Variants in NOSIP observed in about 807,000 individuals in gnomAD.
NOSIP encodes the protein nitric oxide synthase interacting protein, also known as nitric oxide synthase-interacting protein.
In NOSIP, 25 loss-of-function variants were observed where a neutral mutation model predicts 36.4. The observed-to-expected ratio is 0.69, with a 90% CI of 0.50 to 0.96. The LOEUF (loss-of-function observed/expected upper bound fraction) is 0.96, where lower values mean the gene tolerates loss of function less well. NOSIP is among the 40% of genes least tolerant of loss of function. The pLI, the probability that NOSIP is intolerant of heterozygous loss-of-function variation, is 0.00. For missense variants in NOSIP, 370 were observed against 429.0 expected (o/e 0.86, Z 1.21); for synonymous variants, 187 against 179.2 (o/e 1.04, Z -0.35).
At chr19:49,567,439 G>C (rs1268568614) in intron 1 of NOSIP, among the ~76,000 whole-genome samples, 2 of 151,936 alleles carry the variant, frequency 1.3e-5, no homozygotes, top group Non-Finnish European at 2.9e-5. Context: ...TTTTTTGTTA[G>C]AATTTACTAG....
At chr19:49,561,183 G>A (rs556250350) in intron 1 of NOSIP, among the ~76,000 whole-genome samples, 1 of 152,250 alleles carries the variant, frequency 6.6e-6, no homozygotes, top group Non-Finnish European at 1.5e-5. Context: ...CTTAGCTAAG[G>A]CTTGACCCAA....
intron 4 of NOSIP, 137 bp downstream of exon 4, chr19:49,558,760 T>C: frequency 1.3e-6 from 1 of 752,768 alleles, no homozygotes; most frequent in Non-Finnish European, 2.3e-6. Context: ...GTGAGAAGGA[T>C]TTGGCCGGAA....
rs759871943 is a variant in NOSIP at position 49,557,133 on chromosome 19, G to C, written c.375C>G (p.Pro125=). Residue 125 remains proline, a synonymous_variant, in exon 5 of 9, where the codon CCC becomes CCG. Transcript: ENST00000596358. The part of the protein sequence containing the change: ...LEKESAIVSR[P]LNPFTAKALS... The stretch of plus-strand genomic sequence containing the variant: ...GGGCCTTGGCTGTGAAAGGGTTGAG[G>C]GGCCGGCTCACGATAGCCGACTCCT... 6 of 1,612,878 alleles carry C rather than the reference G, an allele frequency of 3.7e-6. No individual in the cohort carries two copies. The highest frequency in any genetic ancestry group is 5.1e-6 in the Non-Finnish European group (6 of 1,179,620).
chr19:49,573,439 A>T (rs1019225077), intron 1 of NOSIP, among the ~76,000 whole-genome samples: 1 of 152,062 alleles, frequency 6.6e-6, no homozygotes, highest in Non-Finnish European at 1.5e-5. Context: ...TTTCGGCTCC[A>T]GAGTAGGGGC....
chr19:49,573,165 G>A (rs1297596892), intron 1 of NOSIP, among the ~76,000 whole-genome samples: 1 of 152,122 alleles, frequency 6.6e-6, no homozygotes, highest in East Asian at 1.9e-4. Context: ...GAGTCCTACA[G>A]CTGTGTTTGA....
At chr19:49,557,408 T>A in intron 4 of NOSIP, 159 bp from the exon 5 acceptor site, 1 of 1,434,020 alleles carries the variant, frequency 7.0e-7, no homozygotes, top group Non-Finnish European at 9.1e-7. Context: ...GTGTGAACCT[T>A]ACTGCGTTGT....
Position 49,560,021 on chromosome 19 carries a change from G to T in NOSIP, c.89C>A (p.Thr30Asn). Reference sequence around the variant, plus strand: ...ATCCCGGCTCAGTCGAATGTTCTGGGTCCCATAGCCCGAGGCCGCTGGGGA... The same window carrying T: ...ATCCCGGCTCAGTCGAATGTTCTGGTTCCCATAGCCCGAGGCCGCTGGGGA... ...KKDTAASGYG[T>N]QNIRLSRDAV... Residue 30 changes from threonine (T) to asparagine (N), a missense_variant, in exon 3 of 9, where the codon ACC (threonine) becomes AAC (asparagine). Physicochemically the swap from Thr to Asn is moderately conservative, Grantham distance 65. Coordinates refer to ENST00000596358, the MANE Select transcript of NOSIP (RefSeq NM_001270960.2). The surrounding 1 kb of genome is among the most constrained non-coding windows in gnomAD (Gnocchi z 4.6). The T allele has an allele frequency of 6.2e-7, 1 of 1,613,652 alleles. No homozygotes were observed. The highest frequency in any genetic ancestry group is 8.5e-7 in the Non-Finnish European group (1 of 1,179,704).
chr19:49,571,067 C>T (rs1268789026), intron 1 of NOSIP, among the ~76,000 whole-genome samples: 2 of 149,868 alleles, frequency 1.3e-5, no homozygotes, highest in African/African-American at 4.9e-5. Flanking sequence ...ACCTCCACCT[C>T]CTGGGTTCAA....
At chr19:49,574,517 G>T (rs1034457586) in intron 1 of NOSIP, among the ~76,000 whole-genome samples, 1 of 152,102 alleles carries the variant, frequency 6.6e-6, no homozygotes, top group Admixed American at 6.6e-5. Context: ...TGCGGTTTTC[G>T]ATGGCTGCCA....
rs1172068612 is a variant in NOSIP, at chr19:49,571,281, C to T, written c.-2+9234G>A. 7.2e-5 allele frequency among the ~76,000 whole-genome samples: 11 copies of T among 151,962 alleles called. No homozygotes were observed. In the East Asian group the frequency reaches 1.9e-3, roughly 27 times the overall value. On this transcript the variant is annotated intron_variant, in intron 1 of 8. Coordinates refer to ENST00000596358, the MANE Select transcript of NOSIP (RefSeq NM_001270960.2). The stretch of plus-strand genomic sequence containing the variant: ...GATTACGGGCATGAACCACTGCACC[C>T]GGCAAACTCTTTGATTTTTAAAACT...
chr19:49,556,589 T>A lies in NOSIP; in HGVS notation c.685A>T (p.Ser229Cys), dbSNP rs2080250632. Residue 229 changes from serine (S) to cysteine (C), a missense_variant, in exon 7 of 9, where the codon AGC becomes TGC. Coordinates refer to ENST00000596358, the MANE Select transcript of NOSIP (RefSeq NM_001270960.2). ...ERYVCAVTRD[S>C]LSNATPCAVL... The stretch of plus-strand genomic sequence containing the variant: ...GCGCAGGGGGTGGCGTTGCTCAGGC[T>A]GTCGCGGGTCACGGCACACACGTAG... The A allele has an allele frequency of 6.2e-7, 1 of 1,606,448 alleles. No homozygotes were observed. Among genetic ancestry groups the A allele is most frequent in the Non-Finnish European group, 8.5e-7 (1 of 1,179,440 alleles).
intron 1 of NOSIP, among the ~76,000 whole-genome samples, chr19:49,564,650 T>C (rs981552121): frequency 4.6e-5 from 7 of 151,876 alleles, no homozygotes; most frequent in African/African-American, 1.7e-4. Context: ...AAGCCAGGCA[T>C]ATGCCAGTCC....
At chr19:49,578,058 G>A (rs182662183) in intron 1 of NOSIP, among the ~76,000 whole-genome samples, 4 of 151,972 alleles carry the variant, frequency 2.6e-5, no homozygotes, top group Admixed American at 1.3e-4. Flanking sequence ...CTCTGTCAAC[G>A]TACTAAACAC....
rs550234533 is a variant in NOSIP, at chr19:49,576,126, C to T, written c.-2+4389G>A. ...CTCCAGCCTGAGCGACAGAGCGAGA[C>T]TCCATCTTATAAAAAAAAAATGTTA... On this transcript the variant is annotated intron_variant, in intron 1 of 8. Coordinates refer to ENST00000596358, the MANE Select transcript of NOSIP (RefSeq NM_001270960.2). 1.1e-4 allele frequency among the ~76,000 whole-genome samples: 16 copies of T among 150,458 alleles called. No individual in the cohort carries two copies. In the South Asian group the frequency reaches 3.3e-3, roughly 31 times the overall value.
chr19:49,570,612 C>T (rs2080471817), intron 1 of NOSIP, among the ~76,000 whole-genome samples: 1 of 152,040 alleles, frequency 6.6e-6, no homozygotes, highest in African/African-American at 2.4e-5. Context: ...TGATCAAACA[C>T]CCCAACTTGA....
At chr19:49,568,284 G>A (rs1255484020) in intron 1 of NOSIP, among the ~76,000 whole-genome samples, 1 of 152,132 alleles carries the variant, frequency 6.6e-6, no homozygotes, top group Non-Finnish European at 1.5e-5. Context: ...TGGAGGGAGC[G>A]CCTTGTGAAT....
At chr19:49,559,244 T>C in intron 3 of NOSIP, 1 of 431,656 alleles carries the variant, frequency 2.3e-6, no homozygotes, top group Non-Finnish European at 4.2e-6. Context: ...CCTCTCCCAA[T>C]AGAGCTGCAG....
chr19:49,576,276 T>C (rs1388580635), intron 1 of NOSIP, among the ~76,000 whole-genome samples: 2 of 152,148 alleles, frequency 1.3e-5, no homozygotes, highest in East Asian at 3.9e-4. Context: ...GAGGATCACT[T>C]GAACTCACGA....
intron 3 of NOSIP, chr19:49,559,705 G>C: frequency 1.8e-6 from 1 of 548,934 alleles, no homozygotes; most frequent in South Asian, 2.0e-5. Flanking sequence ...GCAATGCTCT[G>C]AGAGCCCTAC....
Sources: gnomAD v4.1 joint callset for allele counts (sites outside exome capture counted in the v4.1 genomes callset) on GRCh38, gnomAD v4.1.1 for gene constraint, Gnocchi (gnomAD v3.1) non-coding constraint, MANE v1.5 for transcripts, NCBI Gene and HGNC (gene_info 2026-07-23, HGNC 2026-07-21) for gene names.